AFF3: variants seen among roughly 807,000 people sequenced by gnomAD.
The protein encoded by AFF3 is AF4/FMR2 family member 3.
In AFF3, 32 loss-of-function variants were observed where a neutral mutation model predicts 129.7. The observed-to-expected ratio is 0.25, with a 90% CI of 0.19 to 0.33. The LOEUF is 0.33. Ranked by LOEUF, AFF3 falls within the 10% of genes least tolerant of loss-of-function variation. The pLI, the probability that AFF3 is intolerant of heterozygous loss-of-function variation, is 1.00. For missense variants in AFF3, 1,373 were observed against 1,592.0 expected (o/e 0.86, Z 2.34); for synonymous variants, 644 against 635.4 (o/e 1.01, Z -0.20).
chr2:99,834,235 C>T (rs950616414), intron 8 of AFF3, among the ~76,000 whole-genome samples: 1 of 152,144 alleles, frequency 6.6e-6, no homozygotes, highest in Non-Finnish European at 1.5e-5. Flanking sequence ...CTGTGCAAGG[C>T]GTCTTCATTA....
intron 4 of AFF3, among the ~76,000 whole-genome samples, chr2:100,066,874 G>A (rs748522857): frequency 6.6e-6 from 1 of 152,056 alleles, no homozygotes; most frequent in Non-Finnish European, 1.5e-5. Flanking sequence ...ATTAATCCAC[G>A]CAGCCCCTCC....
intron 12 of AFF3, among the ~76,000 whole-genome samples, chr2:99,668,502 A>G (rs1686877329): frequency 6.6e-6 from 1 of 151,764 alleles, no homozygotes; most frequent in Non-Finnish European, 1.5e-5. Flanking sequence ...AAAAATCTCC[A>G]GGCCCATATG....
At chr2:99,884,511 GCCC>G (rs1692961748) in intron 7 of AFF3, among the ~76,000 whole-genome samples, 2 of 152,084 alleles carry the variant, frequency 1.3e-5, no homozygotes, top group African/African-American at 4.8e-5. Flanking sequence ...AGATTCTCCT[GCCC>G]CAGCCTCCCC....
intron 7 of AFF3, among the ~76,000 whole-genome samples, chr2:99,855,025 A>T (rs1368399619): frequency 1.3e-5 from 2 of 152,164 alleles, no homozygotes; most frequent in Non-Finnish European, 2.9e-5. Context: ...TAAATATAAG[A>T]GCCAAAATAC....
At chr2:99,995,069 T>C (rs777091932) in intron 7 of AFF3, among the ~76,000 whole-genome samples, 9 of 151,964 alleles carry the variant, frequency 5.9e-5, no homozygotes, top group Non-Finnish European at 1.2e-4. Context: ...ACTACAGGAA[T>C]TGAGAAGAAA....
At chr2:99,705,150 GT>G (rs1455563271) in intron 11 of AFF3, among the ~76,000 whole-genome samples, 1 of 152,208 alleles carries the variant, frequency 6.6e-6, no homozygotes, top group Non-Finnish European at 1.5e-5. Flanking sequence ...CTGGGAAGAT[GT>G]CAGAGGCTTG....
intron 4 of AFF3, among the ~76,000 whole-genome samples, chr2:100,010,338 A>T (rs995771028): frequency 6.6e-5 from 10 of 152,194 alleles, no homozygotes; most frequent in Admixed American, 5.9e-4. Context: ...GGGACACACA[A>T]ATTATTGTAA....
At chr2:99,699,346 G>A (rs537022048) in intron 11 of AFF3, among the ~76,000 whole-genome samples, 3 of 152,238 alleles carry the variant, frequency 2.0e-5, no homozygotes, top group African/African-American at 2.4e-5. Context: ...ACTGGGTCAT[G>A]GGCAGGACAT....
chr2:99,679,253 C>T (rs901516230), intron 11 of AFF3, among the ~76,000 whole-genome samples: 2 of 152,150 alleles, frequency 1.3e-5, no homozygotes, highest in Non-Finnish European at 2.9e-5. Flanking sequence ...CCCTCCCTCC[C>T]GGGGAGGGAT....
At chr2:100,022,854 G>GA (rs5832893) in intron 4 of AFF3, among the ~76,000 whole-genome samples, 13,666 of 152,214 alleles carry the variant, frequency 0.09, 2,037 homozygotes, top group African/African-American at 0.31. Context: ...CTTCTTCCTC[G>GA]AAACACTGCA....
intron 4 of AFF3, among the ~76,000 whole-genome samples, chr2:100,084,010 G>C (rs190238952): frequency 3.3e-5 from 5 of 152,310 alleles, no homozygotes; most frequent in African/African-American, 1.2e-4. Flanking sequence ...TGCCCACAGT[G>C]CCATTAGCTA....
At chr2:99,783,820 A>T (rs1684582806) in intron 8 of AFF3, among the ~76,000 whole-genome samples, 1 of 152,228 alleles carries the variant, frequency 6.6e-6, no homozygotes, top group South Asian at 2.1e-4. Context: ...GGTACATGAC[A>T]GGGCCCCCCT....
intron 13 of AFF3, among the ~76,000 whole-genome samples, chr2:99,617,068 C>T (rs1263436109): frequency 2.6e-5 from 4 of 152,158 alleles, no homozygotes; most frequent in African/African-American, 7.2e-5. Context: ...AGCTGATGGA[C>T]GTCGGATTGT....
intron 7 of AFF3, among the ~76,000 whole-genome samples, chr2:99,853,215 C>G (rs1357001083): frequency 1.3e-5 from 2 of 152,118 alleles, no homozygotes; most frequent in Non-Finnish European, 2.9e-5. Flanking sequence ...ACCATATGGC[C>G]CTACAGCAGG....
chr2:99,999,070 C>T (rs920993821), intron 7 of AFF3, among the ~76,000 whole-genome samples: 7 of 152,138 alleles, frequency 4.6e-5, no homozygotes, highest in African/African-American at 1.2e-4. Flanking sequence ...ACACTACCCC[C>T]GGGGAAGGAC....
At chr2:99,909,237 C>CA (rs796269640) in intron 7 of AFF3, among the ~76,000 whole-genome samples, 9 of 147,298 alleles carry the variant, frequency 6.1e-5, no homozygotes, top group African/African-American at 2.3e-4. Flanking sequence ...ATCGCAAGGA[C>CA]AAAAAAACCA....
chr2:99,623,263 C>T (rs1682219210), intron 13 of AFF3, among the ~76,000 whole-genome samples: 1 of 151,554 alleles, frequency 6.6e-6, no homozygotes, highest in Non-Finnish European at 1.5e-5. Context: ...ATTTGCAGTG[C>T]AAAATGCAAA....
At position 99,588,706 on chromosome 2, in the gene AFF3, T is replaced by C. The variant is rs80181073; in HGVS notation, c.2467-1428A>G. ...CTCCCAGATGCCCACACTGTAATAG[T>C]ACCCCCATGGAGGGCCCAAACCAAA... is the stretch of plus-strand genomic sequence containing the variant. On this transcript the variant is annotated intron_variant, in intron 15 of 24. Transcript: ENST00000672756. Among the ~76,000 whole-genome samples the C allele has an allele frequency of 6.5e-3, 987 of 152,246 alleles. 16 individuals are homozygous for C. The highest frequency in any genetic ancestry group is 0.023 in the African/African-American group (946 of 41,544).
intron 11 of AFF3, among the ~76,000 whole-genome samples, chr2:99,719,976 G>T (rs1443607814): frequency 6.6e-6 from 1 of 152,212 alleles, no homozygotes; most frequent in Non-Finnish European, 1.5e-5. Flanking sequence ...GGCGGAGCTT[G>T]CAGTGAGCTG....
Sources: allele counts gnomAD v4.1 joint callset (sites outside exome capture counted in the v4.1 genomes callset), GRCh38; gene constraint gnomAD v4.1.1; transcripts MANE v1.5; gene names NCBI Gene and HGNC (gene_info 2026-07-23, HGNC 2026-07-21).